The following RALGPS2 variants were observed in gnomAD, a reference collection of about 807,000 sequenced individuals.
RALGPS2 encodes the protein ras-specific guanine nucleotide-releasing factor RalGPS2.
RALGPS2 carries 43 observed loss-of-function variants against 86.8 expected under a neutral mutation model. The ratio of observed to expected loss-of-function variants is 0.50; its 90% CI spans 0.39 to 0.64. RALGPS2 has a LOEUF of 0.64. Ranked by LOEUF, RALGPS2 falls within the 30% of genes least tolerant of loss-of-function variation. The pLI, the probability that RALGPS2 is intolerant of heterozygous loss-of-function variation, is 0.00. For missense variants in RALGPS2, 536 were observed against 694.6 expected, an observed-to-expected ratio of 0.77 and a Z score of 2.57; for synonymous variants, 243 against 231.3, an observed-to-expected ratio of 1.05 and a Z score of -0.46.
intron 8 of RALGPS2, among the ~76,000 whole-genome samples, chr1:178,859,401 C>CTTTTTTTTTT: frequency 8.1e-6 from 1 of 122,900 alleles, no homozygotes; most frequent in Non-Finnish European, 1.7e-5. Flanking sequence ...CCAAGTTTAA[C>CTTTTTTTTTT]TTTTTTTTTT....
chr1:178,899,648 TTTTGG>T (rs956315515), intron 17 of RALGPS2, among the ~76,000 whole-genome samples: 8 of 139,586 alleles, frequency 5.7e-5, no homozygotes, highest in African/African-American at 2.2e-4. Context: ...TTGGTTTTGG[TTTTGG>T]TTTTTTTTTT....
intron 1 of RALGPS2, chr1:178,747,240 C>T: frequency 6.8e-7 from 1 of 1,478,174 alleles, no homozygotes. Context: ...TTCAAGGAGC[C>T]AGATTCTCTC....
chr1:178,757,618 A>G (rs903912326), intron 1 of RALGPS2, among the ~76,000 whole-genome samples: 1 of 152,158 alleles, frequency 6.6e-6, no homozygotes, highest in Non-Finnish European at 1.5e-5. Context: ...TGTTGAACCA[A>G]CCTTGCATCA....
At chr1:178,827,166 G>C (rs1655784726) in intron 7 of RALGPS2, among the ~76,000 whole-genome samples, 2 of 152,164 alleles carry the variant, frequency 1.3e-5, no homozygotes, top group Admixed American at 1.3e-4. Flanking sequence ...AGATACAAAT[G>C]AATGGAAGGA....
chr1:178,828,641 T>A (rs1655868785), intron 7 of RALGPS2, among the ~76,000 whole-genome samples: 2 of 152,160 alleles, frequency 1.3e-5, no homozygotes, highest in Admixed American at 1.3e-4. Context: ...AAAGAAAACA[T>A]ACACAAGTCC....
intron 16 of RALGPS2, among the ~76,000 whole-genome samples, chr1:178,894,585 G>A (rs946666176): frequency 6.6e-6 from 1 of 152,066 alleles, no homozygotes; most frequent in African/African-American, 2.4e-5. Flanking sequence ...GAGCAGAACT[G>A]TGTGAGATTT....
intron 7 of RALGPS2, among the ~76,000 whole-genome samples, chr1:178,825,167 C>T (rs951468833): frequency 2.0e-5 from 3 of 152,010 alleles, no homozygotes; most frequent in African/African-American, 4.8e-5. Context: ...TATTCTCCAG[C>T]CAGGTTCAGA....
chr1:178,796,066 G>A (rs1034207166), intron 4 of RALGPS2, among the ~76,000 whole-genome samples: 5 of 152,082 alleles, frequency 3.3e-5, no homozygotes, highest in Admixed American at 6.6e-5. Context: ...GTTCATCACT[G>A]TGAACTTCTT....
At chr1:178,741,908 C>G (rs537721228) in intron 1 of RALGPS2, among the ~76,000 whole-genome samples, 4 of 151,886 alleles carry the variant, frequency 2.6e-5, no homozygotes, top group Admixed American at 2.6e-4. Flanking sequence ...GAGGCCGAGG[C>G]GGGAGGATCA....
At position 178,834,882 on chromosome 1, in the gene RALGPS2, AT is replaced by A. The variant is rs146271546; in HGVS notation, c.607+1334del. On this transcript the variant is annotated intron_variant, in intron 8 of 19. Coordinates refer to ENST00000367635, the MANE Select transcript of RALGPS2 (RefSeq NM_152663.5). The stretch of plus-strand genomic sequence containing the variant: ...AGCCTCTGCCTTCCAAGTTCAAGTG[AT>A]TCTCCTGCTTCAGCCTCCCAAGTAG... Among the ~76,000 whole-genome samples the A allele has an allele frequency of 8.5e-3, 1,289 of 152,292 alleles. 14 individuals are homozygous for A. Among genetic ancestry groups the A allele is most frequent in the African/African-American group, 0.029 (1,201 of 41,544 alleles).
Position 178,906,762 on chromosome 1 carries a change from T to G in RALGPS2, c.1631-14T>G. The G allele has an allele frequency of 6.3e-7, 1 of 1,599,040 alleles. No individual in the cohort carries two copies. The highest frequency in any genetic ancestry group is 8.6e-7 in the Non-Finnish European group (1 of 1,169,338). ...ACATTTTTAATATTTCCCCCTTATT[T>G]TGGATAATTTTAGGAAATTCGTACA... On this transcript the variant is annotated splice_polypyrimidine_tract_variant and intron_variant, in intron 18 of 19. Coordinates refer to ENST00000367635, the MANE Select transcript of RALGPS2 (RefSeq NM_152663.5).
At chr1:178,884,419 C>T (rs546793094) in intron 11 of RALGPS2, among the ~76,000 whole-genome samples, 3 of 152,146 alleles carry the variant, frequency 2.0e-5, no homozygotes, top group South Asian at 2.1e-4. Flanking sequence ...TATAGGCCTT[C>T]GCACTAAGTT....
At chr1:178,901,868 A>C (rs1009538863) in intron 17 of RALGPS2, among the ~76,000 whole-genome samples, 6 of 152,052 alleles carry the variant, frequency 3.9e-5, no homozygotes, top group Admixed American at 1.3e-4. Context: ...GGAATAGATC[A>C]GTTAGGTTTT....
intron 4 of RALGPS2, among the ~76,000 whole-genome samples, chr1:178,790,010 G>A (rs1381109126): frequency 6.6e-6 from 1 of 151,878 alleles, no homozygotes; most frequent in Non-Finnish European, 1.5e-5. Flanking sequence ...GTGCAGCGGC[G>A]CAATGACGGC....
At chr1:178,749,246 G>C (rs1651516673) in intron 1 of RALGPS2, among the ~76,000 whole-genome samples, 1 of 152,090 alleles carries the variant, frequency 6.6e-6, no homozygotes, top group South Asian at 2.1e-4. Context: ...TAGCACTTTG[G>C]GAGGCCAAGG....
At chr1:178,746,925 T>G in intron 1 of RALGPS2, 1 of 1,084,854 alleles carries the variant, frequency 9.2e-7, no homozygotes. Context: ...TCAGTCATTA[T>G]TTTGTTTGGT....
chr1:178,887,721 A>G (rs1446477653), intron 13 of RALGPS2, among the ~76,000 whole-genome samples: 1 of 152,140 alleles, frequency 6.6e-6, no homozygotes, highest in Non-Finnish European at 1.5e-5. Flanking sequence ...GTTTATTCTG[A>G]TAGTCCCCTT....
At chr1:178,867,352 C>A (rs945451154) in intron 8 of RALGPS2, among the ~76,000 whole-genome samples, 2 of 152,002 alleles carry the variant, frequency 1.3e-5, no homozygotes, top group African/African-American at 2.4e-5. Context: ...AGTGATGGAG[C>A]GAGAATTTGA....
chr1:178,849,528 C>T (rs545614849), intron 8 of RALGPS2, among the ~76,000 whole-genome samples: 1 of 152,280 alleles, frequency 6.6e-6, no homozygotes, highest in East Asian at 1.9e-4. Flanking sequence ...TGATATACTG[C>T]TTTCAATAAC....
Sources: allele counts gnomAD v4.1 joint callset (sites outside exome capture counted in the v4.1 genomes callset), GRCh38; gene constraint gnomAD v4.1.1; transcripts MANE v1.5; gene names NCBI Gene and HGNC (gene_info 2026-07-23, HGNC 2026-07-21).